Variants in WWOX observed in about 807,000 individuals in gnomAD.
WWOX encodes WW domain-containing oxidoreductase.
Under a neutral mutation model 46.2 loss-of-function variants are expected in WWOX, and 69 were observed. That is an observed-to-expected ratio of 1.49 (90% confidence interval 1.23 to 1.82). WWOX has a LOEUF of 1.82. WWOX is among the 40% of genes most tolerant of loss of function. The pLI, the probability that WWOX is intolerant of heterozygous loss-of-function variation, is 0.00. For missense variants in WWOX, 919 were observed against 542.6 expected (o/e 1.69, Z -6.89); for synonymous variants, 359 against 202.6 (o/e 1.77, Z -6.56).
chr16:78,148,791 G>A (rs1026463640), intron 4 of WWOX, among the ~76,000 whole-genome samples: 100 of 151,284 alleles, frequency 6.6e-4, no homozygotes, highest in Admixed American at 1.4e-3. Flanking sequence ...CCAGCTACTC[G>A]GGAGGCTGAG....
chr16:78,388,380 C>T (rs936684969), intron 6 of WWOX, among the ~76,000 whole-genome samples: 1 of 152,158 alleles, frequency 6.6e-6, no homozygotes, highest in Non-Finnish European at 1.5e-5. Flanking sequence ...GGTGCAGTGG[C>T]TTATGCCTGT....
rs147013619 is a variant in WWOX, at chr16:78,928,953, G to C, written c.1057-282655G>C. ...AGTGCCCCTTTAAGTTGAGATGCTTGTTAAACTTTACATGTATGCATGCAT... is the reference window on the plus strand; with the variant it reads ...AGTGCCCCTTTAAGTTGAGATGCTTCTTAAACTTTACATGTATGCATGCAT... On this transcript the variant is annotated intron_variant, in intron 8 of 8. Coordinates refer to ENST00000566780, the MANE Select transcript of WWOX (RefSeq NM_016373.4). 1.3e-3 allele frequency among the ~76,000 whole-genome samples: 198 copies of C among 152,276 alleles called. 1 individual carries two copies. Among genetic ancestry groups the C allele is most frequent in the Non-Finnish European group, 2.0e-3 (137 of 68,024 alleles).
intron 8 of WWOX, among the ~76,000 whole-genome samples, chr16:78,959,074 C>T (rs2046224017): frequency 6.6e-6 from 1 of 152,136 alleles, no homozygotes; most frequent in African/African-American, 2.4e-5. Flanking sequence ...CTTGTCTACC[C>T]ACTTTTTCTT....
At chr16:79,031,435 TGGGC>T (rs61550311) in intron 8 of WWOX, among the ~76,000 whole-genome samples, 387 of 66,580 alleles carry the variant, frequency 5.8e-3, no homozygotes, top group South Asian at 0.016. Context: ...CATCTTCAAG[TGGGC>T]TGAAGAAAGG....
intron 8 of WWOX, among the ~76,000 whole-genome samples, chr16:78,524,166 T>G (rs1307242711): frequency 6.6e-6 from 1 of 152,208 alleles, no homozygotes; most frequent in Non-Finnish European, 1.5e-5. Context: ...TTCTTTCTGC[T>G]CTTTTTCTCT....
chr16:78,879,842 A>T (rs1365659863), intron 8 of WWOX, among the ~76,000 whole-genome samples: 1 of 150,772 alleles, frequency 6.6e-6, no homozygotes, highest in East Asian at 2.0e-4. Flanking sequence ...ATGTCATTGT[A>T]CTCCAGCCTG....
intron 8 of WWOX, among the ~76,000 whole-genome samples, chr16:78,614,127 C>T (rs899158053): frequency 6.6e-6 from 1 of 152,222 alleles, no homozygotes; most frequent in East Asian, 1.9e-4. Flanking sequence ...ATGAATATCT[C>T]ACATCAGAAT....
chr16:78,205,812 C>G (rs947462283), intron 5 of WWOX, among the ~76,000 whole-genome samples: 2 of 151,996 alleles, frequency 1.3e-5, no homozygotes, highest in African/African-American at 4.8e-5. Context: ...TCCTTCTACC[C>G]ACACCTTCCT....
rs1167951214 is a variant in WWOX, at chr16:78,346,926, A to G, written c.517-39934A>G. On this transcript the variant is annotated intron_variant, in intron 5 of 8. Transcript: ENST00000566780. ...TTTTTAGCAGAGACAGGGTTTCACC[A>G]TGTTGACCAGGCTGGTTTCAACTCC... Among the ~76,000 whole-genome samples the G allele has an allele frequency of 1.8e-4, 21 of 118,360 alleles. 3 individuals are homozygous for G. Among genetic ancestry groups the G allele is most frequent in the African/African-American group, 6.0e-4 (21 of 34,838 alleles). The allele number at this position is 118,360 out of a possible 152,430, so 77.6% of individuals were successfully genotyped here. A position where few individuals can be genotyped will look rare whatever the true frequency, so the allele number is the denominator to read the frequency against.
chr16:78,818,471 C>A (rs1028210050), intron 8 of WWOX, among the ~76,000 whole-genome samples: 1 of 152,224 alleles, frequency 6.6e-6, no homozygotes, highest in African/African-American at 2.4e-5. Context: ...AGGCTCATGC[C>A]TGTAATCCCA....
At chr16:78,872,053 A>G (rs1289968643) in intron 8 of WWOX, among the ~76,000 whole-genome samples, 6 of 152,180 alleles carry the variant, frequency 3.9e-5, no homozygotes, top group Non-Finnish European at 5.9e-5. Context: ...ATTTCTGTCA[A>G]CCCTTCTAAC....
chr16:79,169,734 A>T (rs948792690), intron 8 of WWOX, among the ~76,000 whole-genome samples: 1 of 152,198 alleles, frequency 6.6e-6, no homozygotes, highest in Non-Finnish European at 1.5e-5. Context: ...GATGGCTGGG[A>T]TCGCCAGTGC....
At chr16:79,188,093 A>T (rs185137943) in intron 8 of WWOX, among the ~76,000 whole-genome samples, 1 of 152,206 alleles carries the variant, frequency 6.6e-6, no homozygotes, top group Admixed American at 6.5e-5. Context: ...TGGGCAGTAC[A>T]GTGTAGAGTC....
chr16:79,019,678 G>T lies in WWOX; in HGVS notation c.1057-191930G>T, dbSNP rs117514727. 2.6e-5 allele frequency among the ~76,000 whole-genome samples: 4 copies of T among 151,914 alleles called. No individual in the cohort carries two copies. In the East Asian group the frequency reaches 5.8e-4, roughly 22 times the overall value. On this transcript the variant is annotated intron_variant, in intron 8 of 8. Coordinates refer to ENST00000566780, the MANE Select transcript of WWOX (RefSeq NM_016373.4). ...GATAAGCAAGGGAGACTCCAACCCCGGGCTCTCTAAGGGTGTAATTGTTGC... is the reference window on the plus strand; with the variant it reads ...GATAAGCAAGGGAGACTCCAACCCCTGGCTCTCTAAGGGTGTAATTGTTGC...
chr16:78,599,010 C>A (rs1056708279), intron 8 of WWOX, among the ~76,000 whole-genome samples: 1 of 152,148 alleles, frequency 6.6e-6, no homozygotes, highest in Non-Finnish European at 1.5e-5. Context: ...GAGGTCAAGA[C>A]TGGTTGGACC....
chr16:78,279,921 A>C (rs2079645729), intron 5 of WWOX, among the ~76,000 whole-genome samples: 1 of 152,238 alleles, frequency 6.6e-6, no homozygotes, highest in South Asian at 2.1e-4. Context: ...AGGGAGGAGA[A>C]ATTTAATCCT....
At chr16:78,947,002 G>T (rs145830949) in intron 8 of WWOX, among the ~76,000 whole-genome samples, 1 of 151,432 alleles carries the variant, frequency 6.6e-6, no homozygotes, top group Non-Finnish European at 1.5e-5. Flanking sequence ...GAGGGACTTT[G>T]TTCCCCCTCA....
chr16:78,611,703 A>G (rs2045904503), intron 8 of WWOX, among the ~76,000 whole-genome samples: 1 of 152,236 alleles, frequency 6.6e-6, no homozygotes, highest in South Asian at 2.1e-4. Flanking sequence ...CAGTGCTTTC[A>G]GCAACTCATA....
chr16:78,109,673 G>A, intron 2 of WWOX, 105 bp from the exon 3 acceptor site: 1 of 1,121,022 alleles, frequency 8.9e-7, no homozygotes, highest in Non-Finnish European at 1.3e-6. Flanking sequence ...CTGGGTGGGA[G>A]GGACAGGCTT....
Sources: gnomAD v4.1 joint callset for allele counts (sites outside exome capture counted in the v4.1 genomes callset) on GRCh38, gnomAD v4.1.1 for gene constraint, MANE v1.5 for transcripts, NCBI Gene and HGNC (gene_info 2026-07-23, HGNC 2026-07-21) for gene names.